Variants in PRKG1 observed in about 807,000 individuals in gnomAD.
The protein encoded by PRKG1 is protein kinase cGMP-dependent 1, also known as cGMP-dependent protein kinase 1.
Under a neutral mutation model 88.1 loss-of-function variants are expected in PRKG1, and 35 were observed. The observed-to-expected ratio is 0.40, with a 90% confidence interval of 0.30 to 0.53. The LOEUF is 0.53. PRKG1 is among the 20% of genes least tolerant of loss of function. PRKG1 has a pLI of 0.59. For missense variants in PRKG1, 540 were observed against 839.8 expected (o/e 0.64, Z 4.41); for synonymous variants, 303 against 292.5 (o/e 1.04, Z -0.37).
At chr10:52,283,087 T>C (rs1474061326) in intron 14 of PRKG1, among the ~76,000 whole-genome samples, 1 of 152,074 alleles carries the variant, frequency 6.6e-6, no homozygotes, top group Non-Finnish European at 1.5e-5. Flanking sequence ...ACAGGAACAG[T>C]CATCTTTTGA....
intron 2 of PRKG1, among the ~76,000 whole-genome samples, chr10:51,349,904 T>C (rs1003959424): frequency 3.3e-5 from 5 of 152,116 alleles, no homozygotes; most frequent in African/African-American, 1.2e-4. Context: ...TAGATAATTA[T>C]AAGGCACAGC....
intron 9 of PRKG1, among the ~76,000 whole-genome samples, chr10:52,206,611 A>G (rs1839825586): frequency 6.6e-6 from 1 of 152,156 alleles, no homozygotes; most frequent in Non-Finnish European, 1.5e-5. Flanking sequence ...TGATGCCCTC[A>G]AACCCTGGCA....
intron 3 of PRKG1, among the ~76,000 whole-genome samples, chr10:51,800,714 C>T (rs889185005): frequency 6.6e-6 from 1 of 152,036 alleles, no homozygotes; most frequent in African/African-American, 2.4e-5. Flanking sequence ...GATAAGGGTA[C>T]CAGAGAGGCT....
At chr10:51,999,099 G>A (rs565509500) in intron 5 of PRKG1, among the ~76,000 whole-genome samples, 1 of 152,192 alleles carries the variant, frequency 6.6e-6, no homozygotes, top group Non-Finnish European at 1.5e-5. Flanking sequence ...AAACAGAAAT[G>A]AATCTAACTA....
intron 3 of PRKG1, among the ~76,000 whole-genome samples, chr10:51,672,136 T>C (rs911723872): frequency 3.5e-4 from 54 of 152,156 alleles, no homozygotes; most frequent in African/African-American, 1.2e-3. Flanking sequence ...TTTTTTTACC[T>C]ATTTCTTATC....
chr10:52,146,028 T>A (rs1201215179), intron 8 of PRKG1, among the ~76,000 whole-genome samples: 2 of 152,180 alleles, frequency 1.3e-5, no homozygotes, highest in Non-Finnish European at 2.9e-5. Context: ...AAATCATGAT[T>A]TGCCTTTAAT....
intron 3 of PRKG1, among the ~76,000 whole-genome samples, chr10:51,628,293 G>A (rs1839426375): frequency 6.6e-6 from 1 of 151,218 alleles, no homozygotes; most frequent in Non-Finnish European, 1.5e-5. Flanking sequence ...TTTCTGAGTA[G>A]CTGGGACCAC....
At chr10:52,100,768 C>T (rs1191881839) in intron 7 of PRKG1, among the ~76,000 whole-genome samples, 2 of 152,172 alleles carry the variant, frequency 1.3e-5, no homozygotes, top group African/African-American at 4.8e-5. Context: ...TTGTGAATCA[C>T]CTTTACTTCA....
intron 1 of PRKG1, among the ~76,000 whole-genome samples, chr10:51,058,281 C>G (rs977581433): frequency 6.6e-6 from 1 of 152,084 alleles, no homozygotes; most frequent in Admixed American, 6.5e-5. Context: ...AAATATCTTT[C>G]CCTACTTTGT....
intron 5 of PRKG1, among the ~76,000 whole-genome samples, chr10:51,946,735 T>A (rs56154780): frequency 0.079 from 12,054 of 152,102 alleles, 627 homozygotes; most frequent in Admixed American, 0.12. Context: ...CTCCAGACAC[T>A]GTTTGCCTGA....
At chr10:51,414,632 A>G (rs1004885467) in intron 2 of PRKG1, among the ~76,000 whole-genome samples, 1 of 152,244 alleles carries the variant, frequency 6.6e-6, no homozygotes, top group African/African-American at 2.4e-5. Flanking sequence ...GGTTACAAAA[A>G]TCAGCTTTAC....
chr10:52,154,777 C>T (rs1456916651), intron 8 of PRKG1, among the ~76,000 whole-genome samples: 1 of 152,092 alleles, frequency 6.6e-6, no homozygotes, highest in Non-Finnish European at 1.5e-5. Flanking sequence ...AGTACGTAGT[C>T]TTTTATCTCC....
At chr10:51,372,510 T>G (rs1328995674) in intron 2 of PRKG1, among the ~76,000 whole-genome samples, 1 of 152,152 alleles carries the variant, frequency 6.6e-6, no homozygotes, top group Non-Finnish European at 1.5e-5. Context: ...TTTACTTGCT[T>G]TAACACTGTC....
intron 1 of PRKG1, among the ~76,000 whole-genome samples, chr10:51,123,438 C>A (rs1845313128): frequency 6.6e-6 from 1 of 152,120 alleles, no homozygotes; most frequent in African/African-American, 2.4e-5. Flanking sequence ...GTAATCCCAG[C>A]ACTTTGAGAG....
chr10:51,700,218 A>G (rs532640142), intron 3 of PRKG1, among the ~76,000 whole-genome samples: 22 of 152,318 alleles, frequency 1.4e-4, no homozygotes, highest in African/African-American at 4.8e-4. Flanking sequence ...CCCTGCCCCC[A>G]TTCTGTTGCT....
chr10:51,191,035 C>T (rs1174897887), intron 2 of PRKG1, among the ~76,000 whole-genome samples: 1 of 151,816 alleles, frequency 6.6e-6, no homozygotes, highest in Non-Finnish European at 1.5e-5. Flanking sequence ...TAATACAGTA[C>T]AGCAGGGGCT....
chr10:51,074,336 G>A, upstream of PRKG1: 1 of 809,644 alleles, frequency 1.2e-6, no homozygotes, highest in South Asian at 2.5e-5. Context: ...TTAATCCCGG[G>A]TTGGACCTGC....
intron 5 of PRKG1, among the ~76,000 whole-genome samples, chr10:51,923,911 C>A (rs1842516730): frequency 6.6e-6 from 1 of 151,940 alleles, no homozygotes; most frequent in African/African-American, 2.4e-5. Context: ...TCACTGCAAC[C>A]TCTACCTCCC....
At chr10:52,205,738 T>C (rs1425535144) in intron 9 of PRKG1, among the ~76,000 whole-genome samples, 2 of 152,218 alleles carry the variant, frequency 1.3e-5, no homozygotes, top group Non-Finnish European at 2.9e-5. Flanking sequence ...TTACTATAGG[T>C]AACCAGTGTC....
Sources: allele counts gnomAD v4.1 joint callset (sites outside exome capture counted in the v4.1 genomes callset), GRCh38; gene constraint gnomAD v4.1.1; transcripts MANE v1.5; gene names NCBI Gene and HGNC (gene_info 2026-07-23, HGNC 2026-07-21).